TPPP3: variants seen among roughly 807,000 people sequenced by gnomAD.
TPPP3 encodes tubulin polymerization promoting protein family member 3.
Under a neutral mutation model 13.1 loss-of-function variants are expected in TPPP3, and 7 were observed. The observed-to-expected ratio is 0.54, with a 90% CI of 0.30 to 1.01. The LOEUF (loss-of-function observed/expected upper bound fraction) is 1.01, where lower values mean the gene tolerates loss of function less well. Among genes scored for constraint, TPPP3 ranks in the 50% least tolerant of loss-of-function variants. The pLI, the probability that TPPP3 is intolerant of heterozygous loss-of-function variation, is 0.06. For synonymous variants in TPPP3, 87 were observed against 93.7 expected (o/e 0.93, Z 0.41); for missense variants, 185 against 235.0 (o/e 0.79, Z 1.39).
Position 67,390,225 on chromosome 16 carries a change from G to A in TPPP3, c.480C>T (p.Tyr160=), listed in dbSNP as rs150292483. The change falls in exon 4 of 4, where the codon TAC becomes TAT. Residue 160 remains tyrosine, a synonymous_variant. Coordinates refer to ENST00000393957, the MANE Select transcript of TPPP3 (RefSeq NM_015964.4). This position sits in a 1 kb window ranked among gnomAD's most constrained non-coding sequence, Gnocchi z 6.4. ...TGCCTGCATTCTTGTAGGCGCTCAC[G>A]TAGCCACTGTCGTCCAGGATGTCCT... The part of the protein sequence containing the change: ...GRQDILDDSG[Y]VSAYKNAGTY... 2.3e-5 allele frequency: 37 copies of A among 1,614,232 alleles called. No homozygotes were observed. The highest frequency in any genetic ancestry group is 1.8e-4 in the South Asian group (16 of 91,084).
In TPPP3 at chr16:67,390,839, C is replaced by A. The variant is rs945670052; in HGVS notation, c.188+85G>T. On this transcript the variant is annotated intron_variant, in intron 2 of 3. Coordinates refer to ENST00000393957, the MANE Select transcript of TPPP3 (RefSeq NM_015964.4). The surrounding 1 kb of genome is among the most constrained non-coding windows in gnomAD (Gnocchi z 6.4). ...CTTCGTGATCATGGTGTTTCCCTGA[C>A]CCCTTCTTGATGTCCTCCCTGGTTC... The A allele has an allele frequency of 2.4e-5, 35 of 1,482,276 alleles. No homozygotes were observed. Among genetic ancestry groups the A allele is most frequent in the Admixed American group, 6.1e-5 (3 of 49,328 alleles). The allele number at this position is 1,482,276 out of a possible 1,614,324, so 91.8% of individuals were successfully genotyped here.
At position 67,390,748 on chromosome 16, in the gene TPPP3, G is replaced by C; in HGVS notation, c.189-116C>G. On this transcript the variant is annotated intron_variant, in intron 2 of 3. Transcript: ENST00000393957. This position sits in a 1 kb window ranked among gnomAD's most constrained non-coding sequence, Gnocchi z 6.4. Reference sequence around the variant, plus strand: ...GCAATTGCGTTTCTTTCCCACGTTTGGGGAAGTCGCAGGGGTCAGCAACTC... The same window carrying C: ...GCAATTGCGTTTCTTTCCCACGTTTCGGGAAGTCGCAGGGGTCAGCAACTC... 1 of 1,497,512 alleles carries C rather than the reference G, an allele frequency of 6.7e-7. No homozygotes were observed. Among genetic ancestry groups the C allele is most frequent in the Middle Eastern group, 1.9e-4 (1 of 5,168 alleles). The allele number at this position is 1,497,512 out of a possible 1,614,324, so 92.8% of individuals were successfully genotyped here. A position where few individuals can be genotyped will look rare whatever the true frequency, so the allele number is the denominator to read the frequency against.
chr16:67,390,784 T>C lies in TPPP3; in HGVS notation c.188+140A>G, dbSNP rs866709053. The C allele has an allele frequency of 7.2e-7, 1 of 1,393,428 alleles. No homozygotes were observed. The allele number at this position is 1,393,428 out of a possible 1,614,324, so 86.3% of individuals were successfully genotyped here. A position where few individuals can be genotyped will look rare whatever the true frequency, so the allele number is the denominator to read the frequency against. On this transcript the variant is annotated intron_variant, in intron 2 of 3. Coordinates refer to ENST00000393957, the MANE Select transcript of TPPP3 (RefSeq NM_015964.4). The surrounding 1 kb of genome is among the most constrained non-coding windows in gnomAD (Gnocchi z 6.4). The stretch of plus-strand genomic sequence containing the variant: ...AGGGGTCAGCAACTCTGGAGGGCAA[T>C]AGATATAAGGTTTGCCCTGGAAGAA...
At position 67,391,231 on chromosome 16, in the gene TPPP3, G is replaced by GCACCAACTCTGTAGC; in HGVS notation, c.-6-115_-6-114insGCTACAGAGTTGGTG. 1 of 1,128,108 alleles carries GCACCAACTCTGTAGC rather than the reference G, an allele frequency of 8.9e-7. No individual in the cohort carries two copies. The highest frequency in any genetic ancestry group is 1.3e-6 in the Non-Finnish European group (1 of 797,766). 69.9% of individuals were successfully genotyped at this position (1,128,108 alleles called of 1,614,324 possible). ...CAAGACCTGGGCAGGTTCTGCTACAGAGTTGGTGCTGGAGCTGCCTGGGGA... is the reference window on the plus strand; with the variant it reads ...CAAGACCTGGGCAGGTTCTGCTACAGCACCAACTCTGTAGCAGTTGGTGCTGGAGCTGCCTGGGGA... On this transcript the variant is annotated intron_variant, in intron 1 of 3. Transcript: ENST00000393957. The surrounding 1 kb of genome is among the most constrained non-coding windows in gnomAD (Gnocchi z 6.3).
At position 67,391,017 on chromosome 16, in the gene TPPP3, C is replaced by A; in HGVS notation, c.95G>T (p.Gly32Val). The change falls in exon 2 of 4, where the codon GGC becomes GTC. Residue 32 changes from glycine to valine, a missense_variant. By Grantham distance (109) the Gly-to-Val change is moderately radical (BLOSUM62 -3). Transcript: ENST00000393957. The surrounding 1 kb of genome is among the most constrained non-coding windows in gnomAD (Gnocchi z 6.3). ...DPKASGQEMN[G>V]KNWAKLCKDC... The stretch of plus-strand genomic sequence containing the variant: ...CTTGCACAGCTTGGCCCAGTTCTTG[C>A]CATTCATCTCTTGCCCACTGGCCTT... The A allele has an allele frequency of 6.2e-7, 1 of 1,614,238 alleles. No individual in the cohort carries two copies. Among genetic ancestry groups the A allele is most frequent in the Non-Finnish European group, 8.5e-7 (1 of 1,180,044 alleles).
At position 67,391,353 on chromosome 16, in the gene TPPP3, G is replaced by T. The variant is rs1299620885; in HGVS notation, c.-6-236C>A. On this transcript the variant is annotated intron_variant, in intron 1 of 3. Coordinates refer to ENST00000393957, the MANE Select transcript of TPPP3 (RefSeq NM_015964.4). The surrounding 1 kb of genome is among the most constrained non-coding windows in gnomAD (Gnocchi z 6.3). ...TAATGCCAGCCCTGGCTCTCAGCAG[G>T]GTTCAGCAGATGAAATAATGATGCC... 2 of 557,358 alleles carry T rather than the reference G, an allele frequency of 3.6e-6. No homozygotes were observed. The highest frequency in any genetic ancestry group is 6.4e-6 in the Non-Finnish European group (2 of 311,578). 34.5% of individuals were successfully genotyped at this position (557,358 alleles called of 1,614,324 possible). A position where few individuals can be genotyped will look rare whatever the true frequency, so the allele number is the denominator to read the frequency against.
At position 67,391,504 on chromosome 16, in the gene TPPP3, C is replaced by T. The variant is rs572297076; in HGVS notation, c.-6-387G>A. ...GAGGGTGGCAGAGCAGGCCCCCTCCCTGGAAGCTCCATGCCAAGCTGGCTT... is the reference window on the plus strand; with the variant it reads ...GAGGGTGGCAGAGCAGGCCCCCTCCTTGGAAGCTCCATGCCAAGCTGGCTT... On this transcript the variant is annotated intron_variant, in intron 1 of 3. Transcript: ENST00000393957. The surrounding 1 kb of genome is among the most constrained non-coding windows in gnomAD (Gnocchi z 6.3). The T allele has an allele frequency of 1.0e-5, 2 of 197,680 alleles. No individual in the cohort carries two copies. Among genetic ancestry groups the T allele is most frequent in the East Asian group, 2.8e-4 (2 of 7,258 alleles). 12.2% of individuals were successfully genotyped at this position (197,680 alleles called of 1,614,324 possible).
rs201293402 is a variant in TPPP3 at position 67,391,059 on chromosome 16, G to T, written c.53C>A (p.Ala18Asp). The change falls in exon 2 of 4, where the codon GCC becomes GAC. Residue 18 changes from alanine (A) to aspartate (D), a missense_variant. By Grantham distance (126) the Ala-to-Asp change is moderately radical. Coordinates refer to ENST00000393957, the MANE Select transcript of TPPP3 (RefSeq NM_015964.4). This position sits in a 1 kb window ranked among gnomAD's most constrained non-coding sequence, Gnocchi z 6.3. ...AGLEESFRKF[A>D]IHGDPKASGQ... Reference sequence around the variant, plus strand: ...ACTGGCCTTGGGGTCACCATGGATGGCAAACTTGCGGAAGCTCTCCTCCAG... The same window carrying T: ...ACTGGCCTTGGGGTCACCATGGATGTCAAACTTGCGGAAGCTCTCCTCCAG... 3.3e-5 allele frequency: 54 copies of T among 1,614,180 alleles called. No homozygotes were observed. In the Admixed American group the frequency reaches 6.7e-4, roughly 20 times the overall value.
In TPPP3 at chr16:67,393,474, T is replaced by G. The variant is rs1209856487; in HGVS notation, c.-101A>C. On this transcript the variant is annotated 5_prime_UTR_variant, in exon 1 of 4. Transcript: ENST00000393957. The surrounding 1 kb of genome is among the most constrained non-coding windows in gnomAD (Gnocchi z 5.4). The stretch of plus-strand genomic sequence containing the variant: ...AGACCAGGCGGCTCCGCAGCTCCGC[T>G]CCCTGCCGGCTCCCGGGTGGGACTG... 2 of 985,334 alleles carry G rather than the reference T, an allele frequency of 2.0e-6. No homozygotes were observed. Among genetic ancestry groups the G allele is most frequent in the Non-Finnish European group, 2.4e-6 (2 of 830,048 alleles). 61.0% of individuals were successfully genotyped at this position (985,334 alleles called of 1,614,324 possible). A position where few individuals can be genotyped will look rare whatever the true frequency, so the allele number is the denominator to read the frequency against.
At position 67,392,540 on chromosome 16, in the gene TPPP3, C is replaced by T. The variant is rs1290175531; in HGVS notation, c.-7+840G>A. Among the ~76,000 whole-genome samples the T allele has an allele frequency of 1.3e-5, 2 of 152,080 alleles. No individual in the cohort carries two copies. The highest frequency in any genetic ancestry group is 2.9e-5 in the Non-Finnish European group (2 of 68,020). On this transcript the variant is annotated intron_variant, in intron 1 of 3. Coordinates refer to ENST00000393957, the MANE Select transcript of TPPP3 (RefSeq NM_015964.4). The surrounding 1 kb of genome is among the most constrained non-coding windows in gnomAD (Gnocchi z 4.9). ...ACCCCTTTGTCCACACACCCTCAGCCCTCTGGCCACACCCTCAGCCTGCAC... is the reference window on the plus strand; with the variant it reads ...ACCCCTTTGTCCACACACCCTCAGCTCTCTGGCCACACCCTCAGCCTGCAC...
rs954752653 is a variant in TPPP3, at chr16:67,390,794, G to A, written c.188+130C>T. ...AACTCTGGAGGGCAATAGATATAAG[G>A]TTTGCCCTGGAAGAACGACCTTCGT... On this transcript the variant is annotated intron_variant, in intron 2 of 3. Transcript: ENST00000393957. This position sits in a 1 kb window ranked among gnomAD's most constrained non-coding sequence, Gnocchi z 6.4. The A allele has an allele frequency of 2.1e-6, 3 of 1,395,962 alleles. No individual in the cohort carries two copies. The highest frequency in any genetic ancestry group is 1.4e-5 in the South Asian group (1 of 71,060). The allele number at this position is 1,395,962 out of a possible 1,614,324, so 86.5% of individuals were successfully genotyped here.
At position 67,390,306 on chromosome 16, in the gene TPPP3, G is replaced by A. The variant is rs1386251959; in HGVS notation, c.399C>T (p.Gly133=). ...DRLTDTSRYT[G]SHKERFDESG... ...TCTCATCGAAGCGCTCCTTGTGGGAGCCCGTGTATCTGCTGGTGTCCGTCA... is the reference window on the plus strand; with the variant it reads ...TCTCATCGAAGCGCTCCTTGTGGGAACCCGTGTATCTGCTGGTGTCCGTCA... The change falls in exon 4 of 4, where the codon GGC becomes GGT. Residue 133 remains glycine (G), a synonymous_variant. Transcript: ENST00000393957. The surrounding 1 kb of genome is among the most constrained non-coding windows in gnomAD (Gnocchi z 6.4). 6 of 1,614,050 alleles carry A rather than the reference G, an allele frequency of 3.7e-6. No homozygotes were observed. Among genetic ancestry groups the A allele is most frequent in the Non-Finnish European group, 5.1e-6 (6 of 1,180,018 alleles).
chr16:67,390,918 G>A lies in TPPP3; in HGVS notation c.188+6C>T. 1 of 1,613,280 alleles carries A rather than the reference G, an allele frequency of 6.2e-7. No individual in the cohort carries two copies. On this transcript the variant is annotated splice_donor_region_variant and intron_variant, in intron 2 of 3. Coordinates refer to ENST00000393957, the MANE Select transcript of TPPP3 (RefSeq NM_015964.4). This position sits in a 1 kb window ranked among gnomAD's most constrained non-coding sequence, Gnocchi z 6.4. ...ACATGAGAAGCAGGGGCTGCTTAGG[G>A]CTCACTTGACTTTGGAGAAGACGAT...
At position 67,390,818 on chromosome 16, in the gene TPPP3, G is replaced by C; in HGVS notation, c.188+106C>G. Reference sequence around the variant, plus strand: ...GGTTTGCCCTGGAAGAACGACCTTCGTGATCATGGTGTTTCCCTGACCCCT... The same window carrying C: ...GGTTTGCCCTGGAAGAACGACCTTCCTGATCATGGTGTTTCCCTGACCCCT... On this transcript the variant is annotated intron_variant, in intron 2 of 3. Transcript: ENST00000393957. This position sits in a 1 kb window ranked among gnomAD's most constrained non-coding sequence, Gnocchi z 6.4. The C allele has an allele frequency of 7.0e-7, 1 of 1,419,224 alleles. No homozygotes were observed. The highest frequency in any genetic ancestry group is 9.5e-7 in the Non-Finnish European group (1 of 1,055,384). The allele number at this position is 1,419,224 out of a possible 1,614,324, so 87.9% of individuals were successfully genotyped here.
Position 67,390,646 on chromosome 16 carries a change from G to C in TPPP3, c.189-14C>G. The C allele has an allele frequency of 6.2e-7, 1 of 1,607,886 alleles. No homozygotes were observed. The highest frequency in any genetic ancestry group is 8.5e-7 in the Non-Finnish European group (1 of 1,178,300). Reference sequence around the variant, plus strand: ...GCAGACTTCCCCCTGACAGGCATGTGGGCACCATGAGGGTTCCCCTTTCTT... The same window carrying C: ...GCAGACTTCCCCCTGACAGGCATGTCGGCACCATGAGGGTTCCCCTTTCTT... On this transcript the variant is annotated splice_polypyrimidine_tract_variant and intron_variant, in intron 2 of 3. Coordinates refer to ENST00000393957, the MANE Select transcript of TPPP3 (RefSeq NM_015964.4). This position sits in a 1 kb window ranked among gnomAD's most constrained non-coding sequence, Gnocchi z 6.4.
Position 67,390,192 on chromosome 16 carries a change from A to G in TPPP3, c.513T>C (p.Asp171=). 6.2e-7 allele frequency: 1 copy of G among 1,614,168 alleles called. No individual in the cohort carries two copies. The highest frequency in any genetic ancestry group is 8.5e-7 in the Non-Finnish European group (1 of 1,179,990). ...CCAAGCCTCACTTCTTCACCTTGGC[A>G]TCGTAGGTGCCTGCATTCTTGTAGG... ...VSAYKNAGTY[D]AKVKK The change falls in exon 4 of 4, where the codon GAT becomes GAC. Residue 171 remains aspartate, a synonymous_variant. Coordinates refer to ENST00000393957, the MANE Select transcript of TPPP3 (RefSeq NM_015964.4). This position sits in a 1 kb window ranked among gnomAD's most constrained non-coding sequence, Gnocchi z 6.4.
Position 67,391,075 on chromosome 16 carries a change from TCTC to T in TPPP3, c.34_36del (p.Glu12del), listed in dbSNP as rs1385983930. 1 of 1,613,952 alleles carries T rather than the reference TCTC, an allele frequency of 6.2e-7. No individual in the cohort carries two copies. Among genetic ancestry groups the T allele is most frequent in the African/African-American group, 1.3e-5 (1 of 74,900 alleles). ...CCATGGATGGCAAACTTGCGGAAGC[TCTC>T]CTCCAGCCCAGCCATGTCTGTGCTC... is the stretch of plus-strand genomic sequence containing the variant. On this transcript the variant is annotated inframe_deletion, in exon 2 of 4. Transcript: ENST00000393957. The surrounding 1 kb of genome is among the most constrained non-coding windows in gnomAD (Gnocchi z 6.3).
At position 67,389,954 on chromosome 16, in the gene TPPP3, C is replaced by T; in HGVS notation, c.*220G>A. The T allele has an allele frequency of 1.7e-6, 1 of 582,046 alleles. No homozygotes were observed. The highest frequency in any genetic ancestry group is 3.0e-5 in the Admixed American group (1 of 33,324). 36.1% of individuals were successfully genotyped at this position (582,046 alleles called of 1,614,324 possible). Reference sequence around the variant, plus strand: ...TGAGGCTACAGGCACAGACTGTCCCCAGGTGGACAGAAGTTGGAGCAGGAA... The same window carrying T: ...TGAGGCTACAGGCACAGACTGTCCCTAGGTGGACAGAAGTTGGAGCAGGAA... On this transcript the variant is annotated 3_prime_UTR_variant, in exon 4 of 4. Coordinates refer to ENST00000393957, the MANE Select transcript of TPPP3 (RefSeq NM_015964.4).
chr16:67,390,194 C>A lies in TPPP3; in HGVS notation c.511G>T (p.Asp171Tyr). 6.2e-7 allele frequency: 1 copy of A among 1,614,174 alleles called. No individual in the cohort carries two copies. The highest frequency in any genetic ancestry group is 8.5e-7 in the Non-Finnish European group (1 of 1,179,988). Reference sequence around the variant, plus strand: ...AAGCCTCACTTCTTCACCTTGGCATCGTAGGTGCCTGCATTCTTGTAGGCG... The same window carrying A: ...AAGCCTCACTTCTTCACCTTGGCATAGTAGGTGCCTGCATTCTTGTAGGCG... The part of the protein sequence containing the change: ...VSAYKNAGTY[D>Y]AKVKK Residue 171 changes from aspartate to tyrosine, a missense_variant, in exon 4 of 4, where the codon GAT becomes TAT. Asp to Tyr is a radical substitution (Grantham distance 160). Coordinates refer to ENST00000393957, the MANE Select transcript of TPPP3 (RefSeq NM_015964.4). The surrounding 1 kb of genome is among the most constrained non-coding windows in gnomAD (Gnocchi z 6.4).
Sources: gnomAD v4.1 joint callset for allele counts (sites outside exome capture counted in the v4.1 genomes callset) on GRCh38, gnomAD v4.1.1 for gene constraint, Gnocchi (gnomAD v3.1) non-coding constraint, MANE v1.5 for transcripts, NCBI Gene and HGNC (gene_info 2026-07-23, HGNC 2026-07-21) for gene names.